Variants in MYO9B observed in about 807,000 individuals in gnomAD.
The protein encoded by MYO9B is myosin IXB, also known as unconventional myosin-IXb.
MYO9B carries 71 observed loss-of-function variants against 229.5 expected under a neutral mutation model. The ratio of observed to expected loss-of-function variants is 0.31; its 90% CI spans 0.26 to 0.38. The LOEUF (loss-of-function observed/expected upper bound fraction) is 0.38. Among genes scored for constraint, MYO9B ranks in the 10% least tolerant of loss-of-function variants. MYO9B has a pLI of 1.00. For synonymous variants in MYO9B, 1,185 were observed against 1,235.8 expected, an observed-to-expected ratio of 0.96 and a Z score of 0.86; for missense variants, 2,255 against 2,920.5, an observed-to-expected ratio of 0.77 and a Z score of 5.25.
intron 2 of MYO9B, among the ~76,000 whole-genome samples, chr19:17,112,624 G>T (rs1208108469): frequency 6.6e-6 from 1 of 152,208 alleles, no homozygotes; most frequent in East Asian, 1.9e-4. Context: ...ATGGCTGCAG[G>T]GGAACTGCCC....
intron 2 of MYO9B, among the ~76,000 whole-genome samples, chr19:17,127,495 T>C (rs1023888968): frequency 6.6e-6 from 1 of 151,770 alleles, no homozygotes; most frequent in Non-Finnish European, 1.5e-5. Context: ...CCCGGCTAAT[T>C]TCTTTTGTAT....
intron 14 of MYO9B, chr19:17,180,702 C>A: frequency 2.0e-6 from 1 of 490,928 alleles, no homozygotes; most frequent in East Asian, 3.6e-5. Context: ...GTCCAATTTG[C>A]CTCAAAGCCC....
At chr19:17,125,306 C>CG (rs1353177987) in intron 2 of MYO9B, among the ~76,000 whole-genome samples, 1 of 138,850 alleles carries the variant, frequency 7.2e-6, no homozygotes, top group African/African-American at 2.9e-5. Context: ...ATCCCCCCCC[C>CG]CCCAAAAAAA....
At chr19:17,119,859 A>C (rs983846732) in intron 2 of MYO9B, among the ~76,000 whole-genome samples, 32 of 152,232 alleles carry the variant, frequency 2.1e-4, no homozygotes, top group Admixed American at 2.1e-3. Context: ...CATGTTAGTC[A>C]GGATGGTCTC....
chr19:17,203,133 C>T lies in MYO9B; in HGVS notation c.4879-14C>T. The stretch of plus-strand genomic sequence containing the variant: ...TCCCCTTTCCCTGCCCAGCGCCTTC[C>T]TCTGGCCTCACAGGTCCAGGAGCAC... On this transcript the variant is annotated splice_polypyrimidine_tract_variant and intron_variant, in intron 29 of 39. Coordinates refer to ENST00000682292, the MANE Select transcript of MYO9B (RefSeq NM_004145.4). 1 of 1,557,014 alleles carries T rather than the reference C, an allele frequency of 6.4e-7. No individual in the cohort carries two copies. Among genetic ancestry groups the T allele is most frequent in the Non-Finnish European group, 8.7e-7 (1 of 1,149,754 alleles).
chr19:17,205,181 G>C, intron 30 of MYO9B, 82 bp from the exon 31 acceptor site: 2 of 1,093,118 alleles, frequency 1.8e-6, no homozygotes, highest in South Asian at 1.3e-5. Flanking sequence ...GCAATTGGCG[G>C]CCCCCGGCCA....
At chr19:17,176,277 C>A (rs192384614) in intron 14 of MYO9B, among the ~76,000 whole-genome samples, 2 of 151,698 alleles carry the variant, frequency 1.3e-5, no homozygotes, top group Non-Finnish European at 2.9e-5. Flanking sequence ...ACCTCGTGAT[C>A]CACCCGCCTC....
At chr19:17,202,327 C>T (rs1284009130) in intron 28 of MYO9B, 24 bp downstream of exon 28, 1 of 1,544,776 alleles carries the variant, frequency 6.5e-7, no homozygotes, top group Non-Finnish European at 8.7e-7. Flanking sequence ...CATGCCACGC[C>T]CACCTGTGAC....
intron 9 of MYO9B, 139 bp from the exon 10 acceptor site, chr19:17,162,849 G>A (rs1043013036): frequency 3.9e-5 from 38 of 967,434 alleles, no homozygotes; most frequent in Non-Finnish European, 4.8e-5. Context: ...ATTCCATGCT[G>A]GTAATGGCAA....
Position 17,207,228 on chromosome 19 carries a change from G to A in MYO9B, c.5608G>A (p.Val1870Ile), listed in dbSNP as rs778233277. 35 of 1,597,650 alleles carry A rather than the reference G, an allele frequency of 2.2e-5. No individual in the cohort carries two copies. Among genetic ancestry groups the A allele is most frequent in the South Asian group, 1.3e-4 (11 of 87,820 alleles). The change falls in exon 35 of 40, where the codon GTC (valine) becomes ATC (isoleucine). Residue 1870 changes from valine to isoleucine, a missense_variant. By Grantham distance (29) the Val-to-Ile change is conservative. Around this residue, in one of 7 missense-constraint regions of MYO9B, gnomAD observed 416 missense variants for 605.5 expected, o/e 0.69. Transcript: ENST00000682292. ...GGACCCGCTGACCAGCATGAAGGAC[G>A]TCCTCAAGATCACCACGTGAGTGCC... ...NSDPLTSMKD[V>I]LKITTCVEML...
chr19:17,093,206 G>A (rs2057655163), intron 1 of MYO9B, among the ~76,000 whole-genome samples: 2 of 152,150 alleles, frequency 1.3e-5, no homozygotes, highest in Middle Eastern at 3.4e-3. Flanking sequence ...GGTGGTGCAC[G>A]CCTGTAATCC....
In MYO9B at chr19:17,132,525, A is replaced by ATT. The variant is rs35184435; in HGVS notation, c.841-12852_841-12851dup. On this transcript the variant is annotated intron_variant, in intron 2 of 39. Transcript: ENST00000682292. The stretch of plus-strand genomic sequence containing the variant: ...ATTTATTTATTTATTTATTATTATT[A>ATT]TTTTTTTTTTTTTTTTTTTTTGAGA... Among the ~76,000 whole-genome samples the ATT allele has an allele frequency of 6.4e-4, 75 of 116,366 alleles. 3 individuals are homozygous for ATT. The highest frequency in any genetic ancestry group is 1.5e-3 in the South Asian group (6 of 3,956). 76.3% of individuals were successfully genotyped at this position (116,366 alleles called of 152,430 possible).
chr19:17,108,154 G>A (rs2057810767), intron 2 of MYO9B, among the ~76,000 whole-genome samples: 1 of 152,206 alleles, frequency 6.6e-6, no homozygotes, highest in Non-Finnish European at 1.5e-5. Flanking sequence ...CCCTCTGTGA[G>A]TCAGACCCCC....
intron 2 of MYO9B, among the ~76,000 whole-genome samples, chr19:17,112,672 G>A (rs768166801): frequency 1.6e-4 from 25 of 152,166 alleles, no homozygotes; most frequent in Admixed American, 3.9e-4. Context: ...GGGGTGCTTC[G>A]TTCAAGCAGC....
At chr19:17,129,807 T>C (rs1299650273) in intron 2 of MYO9B, among the ~76,000 whole-genome samples, 1 of 152,084 alleles carries the variant, frequency 6.6e-6, no homozygotes, top group Non-Finnish European at 1.5e-5. Context: ...ATGGTTTTTT[T>C]GGTTTTTTGG....
chr19:17,077,719 A>G (rs1282813561), intron 1 of MYO9B, among the ~76,000 whole-genome samples: 3 of 151,916 alleles, frequency 2.0e-5, no homozygotes, highest in Admixed American at 1.3e-4. Flanking sequence ...TCTCCAGTCC[A>G]TGTCCCCCAG....
chr19:17,205,187 G>C lies in MYO9B; in HGVS notation c.4991-76G>C, dbSNP rs189326972. On this transcript the variant is annotated intron_variant, in intron 30 of 39. Coordinates refer to ENST00000682292, the MANE Select transcript of MYO9B (RefSeq NM_004145.4). ...AAAAAGAAGGCAATTGGCGGCCCCC[G>C]GCCAGCTGGGTGGGTGGCTGCAGGA... is the stretch of plus-strand genomic sequence containing the variant. 1.0e-5 allele frequency: 12 copies of C among 1,197,928 alleles called. No individual in the cohort carries two copies. The East Asian group carries it at 2.6e-4, about 26-fold the overall frequency. 74.2% of individuals were successfully genotyped at this position (1,197,928 alleles called of 1,614,324 possible).
rs2073013316 is a variant in MYO9B, at chr19:17,193,993, C to T, written c.3129-563C>T. On this transcript the variant is annotated intron_variant, in intron 21 of 39. Transcript: ENST00000682292. The surrounding 1 kb of genome is among the most constrained non-coding windows in gnomAD (Gnocchi z 4.3). ...TTGGAGACCAGCCTAGCCAACATGGCAAAACCCCATCTTACGAAAAATACA... is the reference window on the plus strand; with the variant it reads ...TTGGAGACCAGCCTAGCCAACATGGTAAAACCCCATCTTACGAAAAATACA... Among the ~76,000 whole-genome samples, 1 of 152,020 alleles carries T rather than the reference C, an allele frequency of 6.6e-6. No homozygotes were observed. Among genetic ancestry groups the T allele is most frequent in the Non-Finnish European group, 1.5e-5 (1 of 68,018 alleles).
Position 17,173,008 on chromosome 19 carries a change from G to A in MYO9B, c.2140+45G>A, listed in dbSNP as rs770654382. On this transcript the variant is annotated intron_variant, in intron 13 of 39. Coordinates refer to ENST00000682292, the MANE Select transcript of MYO9B (RefSeq NM_004145.4). ...CCCACAAAAGCGTCACTGTCGAGAGGGGGGCACATCCTGAGTTCATCTTAA... is the reference window on the plus strand; with the variant it reads ...CCCACAAAAGCGTCACTGTCGAGAGAGGGGCACATCCTGAGTTCATCTTAA... The A allele has an allele frequency of 5.1e-6, 8 of 1,582,496 alleles. No individual in the cohort carries two copies. In the Admixed American group the frequency reaches 5.1e-5, roughly 10 times the overall value.
Sources: gnomAD v4.1 joint callset for allele counts (sites outside exome capture counted in the v4.1 genomes callset) on GRCh38, gnomAD v4.1.1 for gene constraint, gnomAD v4.1.1 regional missense constraint, Gnocchi (gnomAD v3.1) non-coding constraint, MANE v1.5 for transcripts, NCBI Gene and HGNC (gene_info 2026-07-23, HGNC 2026-07-21) for gene names.